Variants in FRMD5 observed in about 807,000 individuals in gnomAD.
FRMD5 encodes FERM domain containing 5.
In FRMD5, 20 loss-of-function variants were observed where a neutral mutation model predicts 69.0. That is an observed-to-expected ratio of 0.29 (90% CI 0.20 to 0.42). The LOEUF (loss-of-function observed/expected upper bound fraction) is 0.42. Among genes scored for constraint, FRMD5 ranks in the 10% least tolerant of loss-of-function variants. The pLI, the probability that FRMD5 is intolerant of heterozygous loss-of-function variation, is 1.00. For synonymous variants in FRMD5, 271 were observed against 260.1 expected, an observed-to-expected ratio of 1.04 and a Z score of -0.40; for missense variants, 595 against 708.6, an observed-to-expected ratio of 0.84 and a Z score of 1.82.
intron 1 of FRMD5, among the ~76,000 whole-genome samples, chr15:43,985,215 A>C (rs1189835968): frequency 7.3e-6 from 1 of 137,774 alleles, no homozygotes; most frequent in East Asian, 2.3e-4. Context: ...TGGGAGGCGG[A>C]GCTTGCAGTG....
intron 1 of FRMD5, among the ~76,000 whole-genome samples, chr15:43,963,297 C>A (rs2090235142): frequency 6.6e-6 from 1 of 152,136 alleles, no homozygotes; most frequent in Admixed American, 6.5e-5. Flanking sequence ...CTAAAAAACA[C>A]ATGAAAAAAT....
intron 1 of FRMD5, among the ~76,000 whole-genome samples, chr15:44,069,129 T>C (rs916044524): frequency 1.3e-5 from 2 of 152,124 alleles, no homozygotes; most frequent in African/African-American, 4.8e-5. Context: ...CCATGAAATA[T>C]CACTACACAC....
Position 43,873,107 on chromosome 15 carries a change from C to T in FRMD5, c.*778G>A, listed in dbSNP as rs1326119483. The T allele has an allele frequency of 2.9e-6, 4 of 1,399,566 alleles. No individual in the cohort carries two copies. The Admixed American group carries it at 8.8e-5, about 31-fold the overall frequency. 86.7% of individuals were successfully genotyped at this position (1,399,566 alleles called of 1,614,324 possible). ...TCGGAAAAAAAAAATCACGTTAAGT[C>T]TAGTTTCATTATACAAAACTATGGT... On this transcript the variant is annotated 3_prime_UTR_variant, in exon 14 of 14. Transcript: ENST00000417257.
At chr15:44,132,186 G>A (rs570204407) in intron 1 of FRMD5, among the ~76,000 whole-genome samples, 1 of 152,298 alleles carries the variant, frequency 6.6e-6, no homozygotes, top group Admixed American at 6.5e-5. Context: ...TCTGACAGGA[G>A]GCGGAGCTCA....
At chr15:44,151,481 C>A (rs1355200935) in intron 1 of FRMD5, among the ~76,000 whole-genome samples, 2 of 150,702 alleles carry the variant, frequency 1.3e-5, no homozygotes, top group Non-Finnish European at 3.0e-5. Flanking sequence ...AAATAATAAT[C>A]CGAAAAGAAA....
intron 1 of FRMD5, among the ~76,000 whole-genome samples, chr15:43,931,196 G>C (rs2089668380): frequency 6.6e-6 from 1 of 152,204 alleles, no homozygotes. Context: ...ACTCTTAAAA[G>C]CATCACTGCA....
chr15:44,143,731 C>G (rs2077308833), intron 1 of FRMD5, among the ~76,000 whole-genome samples: 1 of 151,250 alleles, frequency 6.6e-6, no homozygotes, highest in Non-Finnish European at 1.5e-5. Flanking sequence ...TGAGACCATC[C>G]TGGCTAACGC....
chr15:43,969,493 T>C (rs1391010542), intron 1 of FRMD5, among the ~76,000 whole-genome samples: 1 of 152,224 alleles, frequency 6.6e-6, no homozygotes, highest in Non-Finnish European at 1.5e-5. Context: ...CCCAGTTCTA[T>C]GTGTGCTTCT....
chr15:44,105,473 A>AAGTTCAAGAT (rs1388595221), intron 1 of FRMD5, among the ~76,000 whole-genome samples: 22 of 152,324 alleles, frequency 1.4e-4, no homozygotes, highest in Admixed American at 3.9e-4. Flanking sequence ...GCGCTAACTT[A>AAGTTCAAGAT]CTGATCTTGA....
chr15:43,911,680 C>A (rs897609699), intron 4 of FRMD5, among the ~76,000 whole-genome samples: 1 of 152,170 alleles, frequency 6.6e-6, no homozygotes, highest in Non-Finnish European at 1.5e-5. Flanking sequence ...GGTCCAGCAT[C>A]CCTAGGGGAG....
intron 1 of FRMD5, among the ~76,000 whole-genome samples, chr15:44,055,509 C>T (rs1021851339): frequency 2.6e-5 from 4 of 152,156 alleles, no homozygotes; most frequent in Non-Finnish European, 4.4e-5. Context: ...ATACTATCAA[C>T]ATAAAGTCAC....
At chr15:44,121,243 C>G (rs1309931639) in intron 1 of FRMD5, among the ~76,000 whole-genome samples, 1 of 110,528 alleles carries the variant, frequency 9.0e-6, no homozygotes, top group African/African-American at 3.4e-5. Flanking sequence ...TGAAGTATCA[C>G]TAAGGACATT....
intron 1 of FRMD5, among the ~76,000 whole-genome samples, chr15:43,924,564 C>T (rs2089550561): frequency 6.6e-6 from 1 of 152,158 alleles, no homozygotes; most frequent in Admixed American, 6.5e-5. Context: ...TCAGGTAAGC[C>T]CAGTTCCCAT....
intron 1 of FRMD5, among the ~76,000 whole-genome samples, chr15:44,092,258 G>A (rs1285002804): frequency 2.6e-5 from 4 of 152,008 alleles, no homozygotes; most frequent in African/African-American, 9.7e-5. Context: ...CATCCTTTCT[G>A]TTCTAGCTCA....
intron 13 of FRMD5, among the ~76,000 whole-genome samples, chr15:43,881,363 A>AGAGAGCCAAGGGACT: frequency 3.9e-5 from 6 of 152,334 alleles, no homozygotes; most frequent in African/African-American, 1.4e-4. Flanking sequence ...GCCAAGGGAC[A>AGAGAGCCAAGGGACT]GTGAGAGCCA....
Position 43,924,244 on chromosome 15 carries a change from G to A in FRMD5, c.168C>T (p.Asp56=). ...GGTCTACAAAGCGGATACCAAAATA[G>A]TCTTTCTCAAGTAGGTTCAGATGGT... ...LCHHLNLLEK[D]YFGIRFVDPD... Residue 56 remains aspartate (D), a synonymous_variant, in exon 2 of 14, where the codon GAC becomes GAT. Coordinates refer to ENST00000417257, the MANE Select transcript of FRMD5 (RefSeq NM_032892.5). The A allele has an allele frequency of 6.2e-7, 1 of 1,614,142 alleles. No homozygotes were observed. The highest frequency in any genetic ancestry group is 1.1e-5 in the South Asian group (1 of 91,082).
intron 1 of FRMD5, among the ~76,000 whole-genome samples, chr15:44,005,785 C>G (rs895997404): frequency 6.6e-6 from 1 of 152,290 alleles, no homozygotes; most frequent in East Asian, 1.9e-4. Flanking sequence ...AAGCCACCCC[C>G]ACCAGATCCA....
At chr15:43,959,434 A>C (rs1333306962) in intron 1 of FRMD5, among the ~76,000 whole-genome samples, 1 of 152,254 alleles carries the variant, frequency 6.6e-6, no homozygotes, top group Admixed American at 6.5e-5. Context: ...CAAAGCTGAC[A>C]TTATGCGCCT....
chr15:43,988,355 C>T (rs1484252775), intron 1 of FRMD5, among the ~76,000 whole-genome samples: 1 of 56,200 alleles, frequency 1.8e-5, no homozygotes, highest in Non-Finnish European at 4.9e-5. Flanking sequence ...TGGTCATTAG[C>T]ACTTTTTTTT....
Sources: gnomAD v4.1 joint callset for allele counts (sites outside exome capture counted in the v4.1 genomes callset) on GRCh38, gnomAD v4.1.1 for gene constraint, MANE v1.5 for transcripts, NCBI Gene and HGNC (gene_info 2026-07-23, HGNC 2026-07-21) for gene names.